Variants in WDR19 observed in about 807,000 individuals in gnomAD.
The protein encoded by WDR19 is WD repeat domain 19, also known as WD repeat-containing protein 19.
Under a neutral mutation model 180.0 loss-of-function variants are expected in WDR19, and 121 were observed. The ratio of observed to expected loss-of-function variants is 0.67; its 90% CI spans 0.58 to 0.78. The LOEUF is 0.78. Ranked by LOEUF, WDR19 falls within the 30% of genes least tolerant of loss-of-function variation. The pLI is 0.00. For synonymous variants in WDR19, 497 were observed against 540.7 expected (o/e 0.92, Z 1.12); for missense variants, 1,450 against 1,640.7 (o/e 0.88, Z 2.01).
chr4:39,203,363 G>C (rs1385450594), intron 6 of WDR19, among the ~76,000 whole-genome samples: 2 of 152,084 alleles, frequency 1.3e-5, no homozygotes, highest in South Asian at 2.1e-4. Context: ...AGCTGCTCTG[G>C]ATAGCTGCAG....
At chr4:39,201,307 A>G (rs1054019764) in intron 6 of WDR19, among the ~76,000 whole-genome samples, 3 of 152,216 alleles carry the variant, frequency 2.0e-5, no homozygotes, top group African/African-American at 7.2e-5. Context: ...AGAAATTTGT[A>G]AAGGACTTGA....
At chr4:39,259,534 G>A (rs777762544) in intron 28 of WDR19, among the ~76,000 whole-genome samples, 9 of 152,176 alleles carry the variant, frequency 5.9e-5, no homozygotes, top group Non-Finnish European at 1.2e-4. Flanking sequence ...CTCTCATTTA[G>A]CGTCATGTTT....
chr4:39,261,227 G>A (rs781716707), intron 28 of WDR19, among the ~76,000 whole-genome samples: 21 of 150,850 alleles, frequency 1.4e-4, no homozygotes, highest in Non-Finnish European at 2.2e-4. Context: ...CCTGACCTCC[G>A]GTGATCCACC....
At chr4:39,273,562 C>T (rs555284987) in intron 32 of WDR19, 1 of 153,390 alleles carries the variant, frequency 6.5e-6, no homozygotes, top group Admixed American at 6.5e-5. Flanking sequence ...AGGTGTTCGG[C>T]ATAAACCACG....
chr4:39,275,130 A>G, intron 33 of WDR19, 172 bp downstream of exon 33: 1 of 793,930 alleles, frequency 1.3e-6, no homozygotes, highest in South Asian at 1.5e-5. Flanking sequence ...ACTTGAGGTC[A>G]GTAGTTCAAG....
At chr4:39,238,650 A>C (rs1731602902) in intron 20 of WDR19, among the ~76,000 whole-genome samples, 1 of 152,216 alleles carries the variant, frequency 6.6e-6, no homozygotes, top group African/African-American at 2.4e-5. Flanking sequence ...TAGGCTGACC[A>C]AAAGAAATTT....
intron 20 of WDR19, among the ~76,000 whole-genome samples, chr4:39,236,193 T>C (rs1161626182): frequency 2.0e-5 from 3 of 152,192 alleles, no homozygotes; most frequent in Admixed American, 2.0e-4. Flanking sequence ...CGTATGTTTA[T>C]TGCAACACTA....
Position 39,278,623 on chromosome 4 carries a change from G to C in WDR19, c.4002G>C (p.Gln1334His). 6.2e-7 allele frequency: 1 copy of C among 1,612,986 alleles called. No individual in the cohort carries two copies. Among genetic ancestry groups the C allele is most frequent in the Non-Finnish European group, 8.5e-7 (1 of 1,179,214 alleles). Residue 1334 changes from glutamine to histidine, a missense_variant, in exon 36 of 37, where the codon CAG becomes CAC. Transcript: ENST00000399820. ...AQLKKISDCT[Q>H]YLRTEEEL The stretch of plus-strand genomic sequence containing the variant: ...TGAAAAAGATTTCAGACTGTACCCA[G>C]TACCTGCGAACGGAGGAGGAACTGT...
At position 39,268,070 on chromosome 4, in the gene WDR19, G is replaced by A; in HGVS notation, c.3337G>A (p.Ala1113Thr). 6.3e-7 allele frequency: 1 copy of A among 1,595,902 alleles called. No homozygotes were observed. The highest frequency in any genetic ancestry group is 8.5e-7 in the Non-Finnish European group (1 of 1,170,712). Residue 1113 changes from alanine to threonine, a missense_variant, in exon 30 of 37, where the codon GCC becomes ACC. Physicochemically the swap from Ala to Thr is moderately conservative, Grantham distance 58 (BLOSUM62 0). Transcript: ENST00000399820. Reference protein sequence around the residue: ...REAAQTAIIIAREEQSAGNYR... With the variant: ...REAAQTAIIITREEQSAGNYR... Reference sequence around the variant, plus strand: ...AGCTGCCCAGACTGCCATCATCATTGCCAGAGAAGAGCAGTCTGCAGGTAG... The same window carrying A: ...AGCTGCCCAGACTGCCATCATCATTACCAGAGAAGAGCAGTCTGCAGGTAG...
At chr4:39,284,833 C>A (rs1323904215) in intron 36 of WDR19, among the ~76,000 whole-genome samples, 1 of 152,068 alleles carries the variant, frequency 6.6e-6, no homozygotes, top group Non-Finnish European at 1.5e-5. Context: ...GACCATGGTA[C>A]ATCATAGCTC....
intron 20 of WDR19, among the ~76,000 whole-genome samples, chr4:39,236,354 C>G (rs1731378573): frequency 6.6e-6 from 1 of 152,044 alleles, no homozygotes; most frequent in African/African-American, 2.4e-5. Context: ...GTGTCTTTTG[C>G]AGCAACATGG....
intron 1 of WDR19, 44 bp downstream of exon 1, chr4:39,182,607 C>T (rs1725055021): frequency 6.2e-7 from 1 of 1,613,060 alleles, no homozygotes; most frequent in South Asian, 1.1e-5. Flanking sequence ...GAAAACGCGA[C>T]TACTGGCCCT....
Position 39,214,583 on chromosome 4 carries a change from T to A in WDR19, c.891-18T>A, listed in dbSNP as rs1728869138. The stretch of plus-strand genomic sequence containing the variant: ...AAAGATCATATATATTTTTTAATAA[T>A]GCATTTTTGTTTTTCAGCATTAAAA... On this transcript the variant is annotated intron_variant, in intron 9 of 36. Coordinates refer to ENST00000399820, the MANE Select transcript of WDR19 (RefSeq NM_025132.4). The A allele has an allele frequency of 1.4e-6, 2 of 1,407,058 alleles. No homozygotes were observed. The highest frequency in any genetic ancestry group is 2.0e-6 in the Non-Finnish European group (2 of 1,011,440). The allele number at this position is 1,407,058 out of a possible 1,614,324, so 87.2% of individuals were successfully genotyped here.
chr4:39,235,752 AT>A (rs1731310590), intron 20 of WDR19, among the ~76,000 whole-genome samples: 1 of 152,218 alleles, frequency 6.6e-6, no homozygotes, highest in South Asian at 2.1e-4. Flanking sequence ...ACAAGCAAAT[AT>A]CCAGAATCTG....
In WDR19 at chr4:39,205,251, TTGTCTGCTATAATTGGTA is replaced by T; in HGVS notation, c.714_716+15del. The T allele has an allele frequency of 6.3e-7, 1 of 1,595,886 alleles. No individual in the cohort carries two copies. Among genetic ancestry groups the T allele is most frequent in the African/African-American group, 1.3e-5 (1 of 74,854 alleles). On this transcript the variant is annotated splice_donor_variant and splice_donor_region_variant and coding_sequence_variant and intron_variant, in exon 8 of 37. Transcript: ENST00000399820. LOFTEE classifies it high-confidence loss of function. The stretch of plus-strand genomic sequence containing the variant: ...GAATTTCAGCAGGACTTTGGCAACA[TTGTCTGCTATAATTGGTA>T]TGTCTGCTATAACTGGTATGTACAA...
At chr4:39,245,473 T>A in intron 24 of WDR19, 21 bp downstream of exon 24, 1 of 1,602,770 alleles carries the variant, frequency 6.2e-7, no homozygotes, top group South Asian at 1.1e-5. Context: ...TTTCTCAAAT[T>A]TATACCAATT....
At chr4:39,261,393 C>T (rs1159949624) in intron 28 of WDR19, among the ~76,000 whole-genome samples, 1 of 152,166 alleles carries the variant, frequency 6.6e-6, no homozygotes, top group East Asian at 1.9e-4. Flanking sequence ...ACCTAATGAT[C>T]TCAGCAACCA....
At chr4:39,263,346 C>T (rs1283821199) in intron 28 of WDR19, among the ~76,000 whole-genome samples, 3 of 152,188 alleles carry the variant, frequency 2.0e-5, no homozygotes, top group Non-Finnish European at 4.4e-5. Context: ...GTTACGGTCA[C>T]ATTTTACCCT....
At position 39,228,339 on chromosome 4, in the gene WDR19, CACAAGGACACTAT is replaced by C; in HGVS notation, c.1766_1777+1del. 6.2e-7 allele frequency: 1 copy of C among 1,610,872 alleles called. No homozygotes were observed. Among genetic ancestry groups the C allele is most frequent in the Non-Finnish European group, 8.5e-7 (1 of 1,177,524 alleles). Reference sequence around the variant, plus strand: ...TGATAAGGTGTACACTTATGTCTTTCACAAGGACACTATACAAGGTACTAAACCCCTTTTGTGT... The same window carrying C: ...TGATAAGGTGTACACTTATGTCTTTCACAAGGTACTAAACCCCTTTTGTGT... On this transcript the variant is annotated frameshift_variant, in exon 16 of 37. Transcript: ENST00000399820. LOFTEE classifies it high-confidence loss of function.
Sources: gnomAD v4.1 joint callset for allele counts (sites outside exome capture counted in the v4.1 genomes callset) on GRCh38, gnomAD v4.1.1 for gene constraint, MANE v1.5 for transcripts, NCBI Gene and HGNC (gene_info 2026-07-23, HGNC 2026-07-21) for gene names.